LAP3: variants seen among roughly 807,000 people sequenced by gnomAD.
LAP3 encodes leucine aminopeptidase 3, also known as cytosol aminopeptidase.
In LAP3, 46 loss-of-function variants were observed where a neutral mutation model predicts 58.8. The observed-to-expected ratio is 0.78, with a 90% confidence interval of 0.62 to 1.00. LAP3 has a LOEUF of 1.00. Among genes scored for constraint, LAP3 ranks in the 50% least tolerant of loss-of-function variants. LAP3 has a pLI of 0.00. For missense variants in LAP3, 615 were observed against 659.1 expected, an observed-to-expected ratio of 0.93 and a Z score of 0.73; for synonymous variants, 257 against 237.7, an observed-to-expected ratio of 1.08 and a Z score of -0.75.
chr4:17,585,281 G>T (rs757929730), intron 6 of LAP3, 145 bp downstream of exon 6: 1 of 611,410 alleles, frequency 1.6e-6, no homozygotes, highest in Non-Finnish European at 2.9e-6. Flanking sequence ...TGGGGAGCTG[G>T]AATAGAGCTG....
intron 4 of LAP3, 135 bp from the exon 5 acceptor site, chr4:17,583,348 C>T (rs979589112): frequency 2.3e-6 from 2 of 883,528 alleles, no homozygotes; most frequent in African/African-American, 3.4e-5. Flanking sequence ...AAATGAGGCT[C>T]AGAACATTCG....
intron 7 of LAP3, 103 bp downstream of exon 7, chr4:17,589,080 A>C: frequency 8.6e-7 from 1 of 1,168,202 alleles, no homozygotes; most frequent in East Asian, 2.4e-5. Flanking sequence ...TTTTTTTTTG[A>C]GGCAGAGTCT....
Position 17,577,603 on chromosome 4 carries a change from G to A in LAP3, c.102+36G>A, listed in dbSNP as rs201020274. 77 of 1,486,606 alleles carry A rather than the reference G, an allele frequency of 5.2e-5. No homozygotes were observed. In the African/African-American group the frequency reaches 9.2e-4, roughly 18 times the overall value. 92.1% of individuals were successfully genotyped at this position (1,486,606 alleles called of 1,614,324 possible). On this transcript the variant is annotated intron_variant, in intron 1 of 12. Coordinates refer to ENST00000226299, the MANE Select transcript of LAP3 (RefSeq NM_015907.3). ...GCGGCTCGCTCATGGTCCGCCGCTG[G>A]GGCCCTGCCCGTGGGCTACTGGGGC...
intron 3 of LAP3, chr4:17,582,043 C>T: frequency 3.4e-6 from 2 of 594,672 alleles, no homozygotes; most frequent in Non-Finnish European, 3.0e-6. Context: ...CTGGCTTACA[C>T]AGAATTATTT....
At chr4:17,600,608 A>C (rs1713958139) in intron 10 of LAP3, among the ~76,000 whole-genome samples, 2 of 152,118 alleles carry the variant, frequency 1.3e-5, no homozygotes, top group Admixed American at 1.3e-4. Context: ...GGGGTTGAGA[A>C]GGTGGGAAAG....
intron 11 of LAP3, among the ~76,000 whole-genome samples, chr4:17,606,485 C>T (rs1314567485): frequency 3.3e-5 from 5 of 152,100 alleles, no homozygotes; most frequent in African/African-American, 7.2e-5. Context: ...ACTACAGGCG[C>T]GCACCACCAC....
At chr4:17,580,959 T>A (rs555805226) in intron 2 of LAP3, among the ~76,000 whole-genome samples, 4 of 152,374 alleles carry the variant, frequency 2.6e-5, no homozygotes, top group Non-Finnish European at 5.9e-5. Flanking sequence ...AATTTGTATC[T>A]CCTCTCAATT....
chr4:17,607,478 A>G lies in LAP3; in HGVS notation c.1449A>G (p.Ala483=). The change falls in exon 13 of 13, where the codon GCA becomes GCG. Residue 483 remains alanine, a synonymous_variant. Coordinates refer to ENST00000226299, the MANE Select transcript of LAP3 (RefSeq NM_015907.3). ...THPKWAHLDI[A]GVMTNKDEVP... ...CTAAGTGGGCACATTTAGACATAGC[A>G]GGCGTGATGACCAACAAAGATGAAG... The G allele has an allele frequency of 2.5e-6, 4 of 1,614,148 alleles. No individual in the cohort carries two copies. Among genetic ancestry groups the G allele is most frequent in the Non-Finnish European group, 3.4e-6 (4 of 1,180,018 alleles).
intron 10 of LAP3, 28 bp downstream of exon 10, chr4:17,598,586 G>A (rs1201363632): frequency 6.7e-7 from 1 of 1,498,382 alleles, no homozygotes. Flanking sequence ...CCTTGATTTT[G>A]TTTGAAGGAA....
At chr4:17,597,391 C>A (rs1051312329) in intron 9 of LAP3, among the ~76,000 whole-genome samples, 1 of 152,198 alleles carries the variant, frequency 6.6e-6, no homozygotes, top group Non-Finnish European at 1.5e-5. Flanking sequence ...GTCCTCACAC[C>A]TTAGCGACCT....
Position 17,604,676 on chromosome 4 carries a change from A to G in LAP3, c.1260+9A>G, listed in dbSNP as rs779351614. ...GGAACAAACTCTTCGAGGTAGGAATAATATTTGTATATCTAAATTGTAGAG... is the reference window on the plus strand; with the variant it reads ...GGAACAAACTCTTCGAGGTAGGAATGATATTTGTATATCTAAATTGTAGAG... On this transcript the variant is annotated intron_variant, in intron 11 of 12. Coordinates refer to ENST00000226299, the MANE Select transcript of LAP3 (RefSeq NM_015907.3). 7.0e-6 allele frequency: 11 copies of G among 1,576,672 alleles called. No homozygotes were observed. Among genetic ancestry groups the G allele is most frequent in the South Asian group, 1.1e-5 (1 of 90,308 alleles).
intron 2 of LAP3, 89 bp downstream of exon 2, chr4:17,580,028 T>A: frequency 1.3e-6 from 1 of 741,212 alleles, no homozygotes. Context: ...AACAGAGTCT[T>A]GCTCTGTTGC....
chr4:17,604,455 T>A (rs1169080160), intron 10 of LAP3, 133 bp from the exon 11 acceptor site: 2 of 641,328 alleles, frequency 3.1e-6, no homozygotes, highest in Non-Finnish European at 5.7e-6. Context: ...CAGGAAAGAT[T>A]TCCTAAGCTT....
chr4:17,584,182 C>T (rs1053766911), intron 5 of LAP3, among the ~76,000 whole-genome samples: 4 of 152,254 alleles, frequency 2.6e-5, no homozygotes, highest in Non-Finnish European at 5.9e-5. Context: ...AGAGTGCGGG[C>T]TCTGCAGCCA....
chr4:17,601,346 G>C (rs73091809), intron 10 of LAP3, among the ~76,000 whole-genome samples: 197 of 152,244 alleles, frequency 1.3e-3, no homozygotes, highest in African/African-American at 4.6e-3. Context: ...ATCATCTTTA[G>C]AGCCGTGGTC....
At chr4:17,596,866 G>GTGTA (rs1459307290) in intron 8 of LAP3, among the ~76,000 whole-genome samples, 180 bp from the exon 9 acceptor site, 1 of 152,242 alleles carries the variant, frequency 6.6e-6, no homozygotes, top group East Asian at 1.9e-4. Context: ...CATGGGTGAT[G>GTGTA]TGTACTTCTT....
At position 17,588,910 on chromosome 4, in the gene LAP3, T is replaced by C. The variant is rs1713601771; in HGVS notation, c.796T>C (p.Tyr266His). Residue 266 changes from tyrosine (Y) to histidine (H), a missense_variant, in exon 7 of 13, where the codon TAC becomes CAC. Coordinates refer to ENST00000226299, the MANE Select transcript of LAP3 (RefSeq NM_015907.3). ...DEPPVFLEIH[Y>H]KGSPNANEPP... ...GCCCCCAGTCTTCTTGGAAATTCAC[T>C]ACAAAGGCAGCCCCAATGCAAACGA... 1.9e-6 allele frequency: 3 copies of C among 1,614,194 alleles called. No individual in the cohort carries two copies. The highest frequency in any genetic ancestry group is 2.5e-6 in the Non-Finnish European group (3 of 1,180,032).
rs749880272 is a variant in LAP3, at chr4:17,577,489, T to G, written c.24T>G (p.Ala8=). MFLLPLP[A]AGRVVVRRLA... Reference sequence around the variant, plus strand: ...AGATGTTCTTGCTGCCTCTTCCGGCTGCGGGGCGAGTAGTCGTCCGACGTC... The same window carrying G: ...AGATGTTCTTGCTGCCTCTTCCGGCGGCGGGGCGAGTAGTCGTCCGACGTC... Residue 8 remains alanine, a synonymous_variant, in exon 1 of 13, where the codon GCT becomes GCG. Coordinates refer to ENST00000226299, the MANE Select transcript of LAP3 (RefSeq NM_015907.3). The G allele has an allele frequency of 6.3e-7, 1 of 1,583,202 alleles. No homozygotes were observed. The highest frequency in any genetic ancestry group is 1.2e-5 in the South Asian group (1 of 86,802).
chr4:17,582,436 CT>C (rs1457735166), intron 4 of LAP3, 43 bp downstream of exon 4: 2 of 1,434,730 alleles, frequency 1.4e-6, no homozygotes, highest in Non-Finnish European at 9.7e-7. Context: ...AGGATCCACT[CT>C]TTTTGATGAC....
Sources: allele counts gnomAD v4.1 joint callset (sites outside exome capture counted in the v4.1 genomes callset), GRCh38; gene constraint gnomAD v4.1.1; transcripts MANE v1.5; gene names NCBI Gene and HGNC (gene_info 2026-07-23, HGNC 2026-07-21).